Variants in SORCS3 observed in about 807,000 individuals in gnomAD.
SORCS3 encodes VPS10 domain-containing receptor SorCS3.
SORCS3 carries 57 observed loss-of-function variants against 146.3 expected under a neutral mutation model. The ratio of observed to expected loss-of-function variants is 0.39; its 90% CI spans 0.31 to 0.49. The LOEUF (loss-of-function observed/expected upper bound fraction) is 0.49, where lower values mean the gene tolerates loss of function less well. Ranked by LOEUF, SORCS3 falls within the 20% of genes least tolerant of loss-of-function variation. The probability of loss-of-function intolerance (pLI) is 0.92; values close to 1 mark genes in which losing one functional copy is unlikely to be tolerated. For synonymous variants in SORCS3, 653 were observed against 618.5 expected, an observed-to-expected ratio of 1.06 and a Z score of -0.83; for missense variants, 1,341 against 1,575.5, an observed-to-expected ratio of 0.85 and a Z score of 2.52.
At chr10:105,204,549 G>T (rs1479548149) in intron 16 of SORCS3, among the ~76,000 whole-genome samples, 2 of 152,030 alleles carry the variant, frequency 1.3e-5, no homozygotes, top group Non-Finnish European at 2.9e-5. Context: ...ATATTTTATA[G>T]AATTTTTTTT....
Position 104,925,586 on chromosome 10 carries a change from G to A in SORCS3, c.795+9654G>A, listed in dbSNP as rs191970257. 1.7e-4 allele frequency among the ~76,000 whole-genome samples: 26 copies of A among 152,280 alleles called. No homozygotes were observed. In the East Asian group the frequency reaches 4.8e-3, roughly 28 times the overall value. On this transcript the variant is annotated intron_variant, in intron 3 of 26. Coordinates refer to ENST00000369701, the MANE Select transcript of SORCS3 (RefSeq NM_014978.3). ...CCCCCAAACCTTTAGGAAAAAGCAG[G>A]TTTTTGTTTGTTTGAGGCTTTTGGG...
At chr10:104,782,936 A>G (rs1488100710) in intron 1 of SORCS3, among the ~76,000 whole-genome samples, 1 of 152,198 alleles carries the variant, frequency 6.6e-6, no homozygotes, top group Admixed American at 6.5e-5. Flanking sequence ...TTTGTGTTTT[A>G]CATATGCAGT....
chr10:104,784,458 G>A (rs11596241), intron 1 of SORCS3, among the ~76,000 whole-genome samples: 19,961 of 152,252 alleles, frequency 0.13, 1,720 homozygotes, highest in Middle Eastern at 0.19. Context: ...AACATCCCTT[G>A]AGCCATTTGT....
chr10:105,082,293 A>G (rs939255780), intron 5 of SORCS3, among the ~76,000 whole-genome samples: 1 of 152,164 alleles, frequency 6.6e-6, no homozygotes, highest in Admixed American at 6.5e-5. Context: ...GGCTTCTTAT[A>G]TCTAGTGCCT....
intron 7 of SORCS3, among the ~76,000 whole-genome samples, chr10:105,105,810 G>A (rs901664640): frequency 6.6e-6 from 1 of 152,162 alleles, no homozygotes; most frequent in African/African-American, 2.4e-5. Flanking sequence ...TTGACTTTAA[G>A]TAATTTATCA....
chr10:105,183,455 C>T (rs2056455397), intron 14 of SORCS3, among the ~76,000 whole-genome samples: 1 of 152,128 alleles, frequency 6.6e-6, no homozygotes. Context: ...ACAGCCTTAG[C>T]ACAACGCAGA....
At chr10:104,925,629 G>T (rs1338453518) in intron 3 of SORCS3, among the ~76,000 whole-genome samples, 1 of 152,098 alleles carries the variant, frequency 6.6e-6, no homozygotes, top group Admixed American at 6.6e-5. Flanking sequence ...TTCCTCTTTT[G>T]TTTTTCATTT....
chr10:105,001,665 A>T (rs1395757370), intron 4 of SORCS3, among the ~76,000 whole-genome samples: 3 of 152,182 alleles, frequency 2.0e-5, no homozygotes, highest in African/African-American at 2.4e-5. Flanking sequence ...AACCCCTTTA[A>T]GGGAAAAAGA....
intron 2 of SORCS3, among the ~76,000 whole-genome samples, chr10:104,880,339 C>G (rs575882859): frequency 6.6e-6 from 1 of 152,260 alleles, no homozygotes; most frequent in African/African-American, 2.4e-5. Flanking sequence ...TCAGTCTTTC[C>G]ATTCCTTGAA....
intron 2 of SORCS3, among the ~76,000 whole-genome samples, chr10:104,870,536 T>A (rs541251915): frequency 7.9e-5 from 12 of 152,264 alleles, no homozygotes; most frequent in African/African-American, 2.9e-4. Context: ...GAGGGAAGGT[T>A]TGGAGAGAGA....
At chr10:105,049,897 A>G (rs547934425) in intron 5 of SORCS3, among the ~76,000 whole-genome samples, 4 of 152,210 alleles carry the variant, frequency 2.6e-5, no homozygotes, top group South Asian at 2.1e-4. Context: ...TCGTATCTCA[A>G]ATTTCAACGT....
At chr10:104,895,050 G>C (rs779928366) in intron 2 of SORCS3, among the ~76,000 whole-genome samples, 3 of 152,194 alleles carry the variant, frequency 2.0e-5, no homozygotes, top group Non-Finnish European at 2.9e-5. Flanking sequence ...TGGGGCTCCA[G>C]TGTGGTATGA....
chr10:104,713,434 T>A (rs2133440235), intron 1 of SORCS3, among the ~76,000 whole-genome samples: 1 of 152,334 alleles, frequency 6.6e-6, no homozygotes, highest in African/African-American at 2.4e-5. Context: ...GTACGTTTTT[T>A]GGGTAGATAT....
At chr10:104,675,575 C>T (rs920970588) in intron 1 of SORCS3, among the ~76,000 whole-genome samples, 7 of 152,098 alleles carry the variant, frequency 4.6e-5, no homozygotes, top group Non-Finnish European at 7.4e-5. Context: ...TCTGATGTGA[C>T]GAAGGGGGCC....
At chr10:105,020,514 G>T (rs117085680) in intron 4 of SORCS3, among the ~76,000 whole-genome samples, 104 of 152,258 alleles carry the variant, frequency 6.8e-4, no homozygotes, top group Non-Finnish European at 1.3e-3. Context: ...GGGATAGTAA[G>T]ACCATATAGA....
At chr10:104,885,966 C>A (rs1204950508) in intron 2 of SORCS3, among the ~76,000 whole-genome samples, 1 of 152,080 alleles carries the variant, frequency 6.6e-6, no homozygotes, top group Non-Finnish European at 1.5e-5. Flanking sequence ...AGCAGGAACA[C>A]TAGAGATGGA....
chr10:104,965,289 G>C (rs567407392), intron 3 of SORCS3, among the ~76,000 whole-genome samples: 2 of 152,254 alleles, frequency 1.3e-5, no homozygotes, highest in East Asian at 3.9e-4. Context: ...AACACTGACT[G>C]TCTGCCTGCT....
intron 1 of SORCS3, among the ~76,000 whole-genome samples, chr10:104,767,173 G>GTCCC (rs1261399270): frequency 6.6e-6 from 1 of 152,188 alleles, no homozygotes; most frequent in East Asian, 1.9e-4. Flanking sequence ...CAGCTTAAGT[G>GTCCC]TAAGCCCTCT....
intron 1 of SORCS3, among the ~76,000 whole-genome samples, chr10:104,767,410 A>G (rs970588357): frequency 6.6e-6 from 1 of 152,122 alleles, no homozygotes; most frequent in Non-Finnish European, 1.5e-5. Context: ...ATAAAGTTCC[A>G]CCTTAAGATA....
Sources: gnomAD v4.1 joint callset for allele counts (sites outside exome capture counted in the v4.1 genomes callset) on GRCh38, gnomAD v4.1.1 for gene constraint, MANE v1.5 for transcripts, NCBI Gene and HGNC (gene_info 2026-07-23, HGNC 2026-07-21) for gene names.